The following PLCL1 variants were observed in gnomAD, a reference collection of about 807,000 sequenced individuals.
The protein encoded by PLCL1 is phospholipase C like 1 (inactive).
PLCL1 carries 41 observed loss-of-function variants against 84.4 expected under a neutral mutation model. The observed-to-expected ratio is 0.49, with a 90% CI of 0.38 to 0.63. The LOEUF is 0.63. Among genes scored for constraint, PLCL1 ranks in the 30% least tolerant of loss-of-function variants. The probability of loss-of-function intolerance (pLI) is 0.00; values close to 1 mark genes in which losing one functional copy is unlikely to be tolerated. For missense variants in PLCL1, 1,206 were observed against 1,367.8 expected (o/e 0.88, Z 1.87); for synonymous variants, 490 against 488.3 (o/e 1.00, Z -0.05).
chr2:198,043,344 C>T (rs963771858), intron 1 of PLCL1, among the ~76,000 whole-genome samples: 15 of 152,110 alleles, frequency 9.9e-5, no homozygotes, highest in African/African-American at 2.9e-4. Context: ...GCAGGGATGA[C>T]AAGGAGGCTC....
chr2:198,021,908 G>A (rs1349905078), intron 1 of PLCL1, among the ~76,000 whole-genome samples: 3 of 151,812 alleles, frequency 2.0e-5, no homozygotes, highest in Non-Finnish European at 4.4e-5. Flanking sequence ...GGCCAGCATC[G>A]TCCTGATATG....
intron 1 of PLCL1, among the ~76,000 whole-genome samples, chr2:197,873,971 T>C (rs1687693391): frequency 6.6e-6 from 1 of 152,260 alleles, no homozygotes. Context: ...AAATATTTTT[T>C]AGTACTTGTT....
chr2:198,024,226 G>A (rs1235057485), intron 1 of PLCL1, among the ~76,000 whole-genome samples: 1 of 151,956 alleles, frequency 6.6e-6, no homozygotes, highest in African/African-American at 2.4e-5. Flanking sequence ...GGAGGGGAAC[G>A]TCACACACCA....
intron 1 of PLCL1, among the ~76,000 whole-genome samples, chr2:198,071,438 A>G (rs2105885591): frequency 6.6e-6 from 1 of 152,006 alleles, no homozygotes; most frequent in African/African-American, 2.4e-5. Flanking sequence ...CTTCCAGAAA[A>G]GTTGTACAAG....
chr2:197,852,672 C>T (rs1161619383), intron 1 of PLCL1, among the ~76,000 whole-genome samples: 1 of 152,064 alleles, frequency 6.6e-6, no homozygotes, highest in African/African-American at 2.4e-5. Context: ...TGTTATAATT[C>T]TAAGATGCTG....
intron 1 of PLCL1, among the ~76,000 whole-genome samples, chr2:198,008,650 A>G (rs1291611532): frequency 1.3e-5 from 2 of 151,990 alleles, no homozygotes. Context: ...ATTGAGAATA[A>G]TGCCACAAGG....
intron 1 of PLCL1, among the ~76,000 whole-genome samples, chr2:197,946,159 AT>A (rs1689266828): frequency 6.6e-6 from 1 of 152,208 alleles, no homozygotes; most frequent in Non-Finnish European, 1.5e-5. Context: ...CCATAGAAGT[AT>A]TGGTGGGATA....
At chr2:197,968,021 A>G (rs1484029288) in intron 1 of PLCL1, among the ~76,000 whole-genome samples, 1 of 152,236 alleles carries the variant, frequency 6.6e-6, no homozygotes, top group Non-Finnish European at 1.5e-5. Flanking sequence ...TCTTGAGAAC[A>G]TAGCCATTAT....
intron 1 of PLCL1, among the ~76,000 whole-genome samples, chr2:197,818,685 T>G (rs1023386137): frequency 1.3e-5 from 2 of 152,044 alleles, no homozygotes; most frequent in African/African-American, 2.4e-5. Flanking sequence ...AACTCTTAAG[T>G]GTAAGATTGG....
chr2:197,903,458 C>T (rs1485268763), intron 1 of PLCL1, among the ~76,000 whole-genome samples: 1 of 122,464 alleles, frequency 8.2e-6, no homozygotes, highest in Non-Finnish European at 1.7e-5. Flanking sequence ...TTCCTTTTTA[C>T]TCCATTTAAA....
At chr2:198,109,100 C>G (rs1055138215) in intron 5 of PLCL1, among the ~76,000 whole-genome samples, 12 of 151,788 alleles carry the variant, frequency 7.9e-5, no homozygotes, top group African/African-American at 2.9e-4. Context: ...ATACCTGAGA[C>G]TGGGTAATTT....
chr2:197,993,731 C>T (rs1042741718), intron 1 of PLCL1, among the ~76,000 whole-genome samples: 1 of 152,176 alleles, frequency 6.6e-6, no homozygotes, highest in South Asian at 2.1e-4. Context: ...GGGATAAATA[C>T]CCCATTCTCT....
At chr2:197,847,281 T>G (rs927274022) in intron 1 of PLCL1, among the ~76,000 whole-genome samples, 11 of 152,064 alleles carry the variant, frequency 7.2e-5, no homozygotes, top group African/African-American at 2.4e-4. Context: ...AAGCAAGAAG[T>G]GAACACGGAA....
At position 197,889,586 on chromosome 2, in the gene PLCL1, C is replaced by G. The variant is rs1687978686; in HGVS notation, c.240+84247C>G. The stretch of plus-strand genomic sequence containing the variant: ...GAAGAACCCAAGAAGCAAATATGTT[C>G]AAGTTTTTAGGCTACACCAACACAC... On this transcript the variant is annotated intron_variant, in intron 1 of 5. Coordinates refer to ENST00000428675, the MANE Select transcript of PLCL1 (RefSeq NM_006226.4). Among the ~76,000 whole-genome samples the G allele has an allele frequency of 2.0e-5, 3 of 152,098 alleles. No homozygotes were observed. The South Asian group carries it at 6.2e-4, about 32-fold the overall frequency.
intron 1 of PLCL1, among the ~76,000 whole-genome samples, chr2:198,076,061 T>C (rs1311690315): frequency 6.6e-6 from 1 of 152,228 alleles, no homozygotes. Flanking sequence ...TTGTCCCTTC[T>C]TAATGAGTTC....
chr2:198,097,574 A>G (rs1303403932), intron 3 of PLCL1, among the ~76,000 whole-genome samples: 1 of 152,202 alleles, frequency 6.6e-6, no homozygotes. Context: ...AAAAACAAAT[A>G]TTTCTAATGA....
chr2:198,039,537 G>A (rs983370876), intron 1 of PLCL1, among the ~76,000 whole-genome samples: 2 of 152,136 alleles, frequency 1.3e-5, no homozygotes, highest in African/African-American at 4.8e-5. Flanking sequence ...TAAGTCCCAT[G>A]AAGGAGAAAG....
chr2:197,848,497 T>C (rs1351318699), intron 1 of PLCL1, among the ~76,000 whole-genome samples: 2 of 152,164 alleles, frequency 1.3e-5, no homozygotes, highest in Non-Finnish European at 2.9e-5. Flanking sequence ...TACTTCTTCC[T>C]GAAGACAAGG....
At chr2:198,017,417 G>A (rs958127017) in intron 1 of PLCL1, among the ~76,000 whole-genome samples, 7 of 152,322 alleles carry the variant, frequency 4.6e-5, no homozygotes, top group Middle Eastern at 3.4e-3. Flanking sequence ...TGCAGAGGTT[G>A]TCTTCCATCC....
Sources: gnomAD v4.1 joint callset for allele counts (sites outside exome capture counted in the v4.1 genomes callset) on GRCh38, gnomAD v4.1.1 for gene constraint, MANE v1.5 for transcripts, NCBI Gene and HGNC (gene_info 2026-07-23, HGNC 2026-07-21) for gene names.